PHIP: variants seen among roughly 807,000 people sequenced by gnomAD.
PHIP encodes PH-interacting protein.
A neutral mutation model predicts 236.8 loss-of-function variants in PHIP; 54 were observed. That is an observed-to-expected ratio of 0.23 (90% CI 0.18 to 0.29). The LOEUF is 0.29. Among genes scored for constraint, PHIP ranks in the 10% least tolerant of loss-of-function variants. The probability of loss-of-function intolerance (pLI) is 1.00; values close to 1 mark genes in which losing one functional copy is unlikely to be tolerated. For synonymous variants in PHIP, 756 were observed against 718.9 expected, an observed-to-expected ratio of 1.05 and a Z score of -0.83; for missense variants, 1,370 against 2,190.8, an observed-to-expected ratio of 0.63 and a Z score of 7.48.
chr6:78,973,402 G>A (rs1333177574), intron 24 of PHIP, among the ~76,000 whole-genome samples: 5 of 149,462 alleles, frequency 3.3e-5, no homozygotes, highest in East Asian at 3.9e-4. Context: ...AGGAAAAACC[G>A]GTACCAGCCG....
chr6:78,989,747 A>G (rs970375814), intron 20 of PHIP, among the ~76,000 whole-genome samples: 1 of 152,210 alleles, frequency 6.6e-6, no homozygotes. Context: ...AATAGATATT[A>G]ACATATTCCA....
intron 4 of PHIP, among the ~76,000 whole-genome samples, chr6:79,063,742 A>G (rs1426756451): frequency 6.6e-6 from 1 of 152,186 alleles, no homozygotes; most frequent in African/African-American, 2.4e-5. Context: ...AACACTTTTT[A>G]AAGAAAGCCT....
rs537127799 is a variant in PHIP at position 78,967,366 on chromosome 6, GCTGTATCTTATGACCCT to G, written c.3206-1327_3206-1311del. On this transcript the variant is annotated intron_variant, in intron 27 of 39. Coordinates refer to ENST00000275034, the MANE Select transcript of PHIP (RefSeq NM_017934.7). ...CACACTAAACATAAAGTTTCAAAGA[GCTGTATCTTATGACCCT>G]ACACAGACTGATTATTATGCTAAAG... 2.6e-5 allele frequency among the ~76,000 whole-genome samples: 4 copies of G among 152,246 alleles called. No homozygotes were observed. The South Asian group carries it at 8.3e-4, about 32-fold the overall frequency.
chr6:79,027,667 T>C (rs761999024), intron 7 of PHIP, among the ~76,000 whole-genome samples: 3 of 152,158 alleles, frequency 2.0e-5, no homozygotes, highest in Admixed American at 2.0e-4. Context: ...TAAACACTTA[T>C]ATGTCCTAAG....
At chr6:79,010,392 C>CG (rs1770517451) in intron 15 of PHIP, among the ~76,000 whole-genome samples, 1 of 146,864 alleles carries the variant, frequency 6.8e-6, no homozygotes, top group Admixed American at 6.8e-5. Flanking sequence ...GACACTGGAA[C>CG]TTTTTTTTTT....
intron 15 of PHIP, among the ~76,000 whole-genome samples, chr6:79,013,658 T>C (rs1770698923): frequency 6.6e-6 from 1 of 151,714 alleles, no homozygotes; most frequent in African/African-American, 2.4e-5. Flanking sequence ...AGGTAGAATA[T>C]TAGTGTGACC....
chr6:78,969,965 C>T, intron 26 of PHIP, 48 bp from the exon 27 acceptor site: 1 of 1,575,276 alleles, frequency 6.3e-7, no homozygotes, highest in Non-Finnish European at 8.7e-7. Flanking sequence ...CCTAAAAATA[C>T]CTAAAAGATG....
At chr6:78,980,174 T>C (rs1562148356) in intron 23 of PHIP, among the ~76,000 whole-genome samples, 1 of 151,996 alleles carries the variant, frequency 6.6e-6, no homozygotes. Context: ...TTTTCATAAA[T>C]TTTTATCGGA....
At chr6:78,992,791 C>A (rs1769350606) in intron 19 of PHIP, among the ~76,000 whole-genome samples, 1 of 152,164 alleles carries the variant, frequency 6.6e-6, no homozygotes, top group African/African-American at 2.4e-5. Flanking sequence ...TCTCCTCAGG[C>A]CTCACTATTC....
chr6:79,012,136 T>A (rs1167225808), intron 15 of PHIP, among the ~76,000 whole-genome samples: 1 of 151,796 alleles, frequency 6.6e-6, no homozygotes. Flanking sequence ...AAAATGCTGA[T>A]GAATACAAAA....
At chr6:79,036,736 A>G (rs1370782439) in intron 7 of PHIP, among the ~76,000 whole-genome samples, 1 of 151,958 alleles carries the variant, frequency 6.6e-6, no homozygotes, top group Non-Finnish European at 1.5e-5. Context: ...CCTGGCTAAC[A>G]TGGTGAAACC....
At chr6:78,982,304 C>A (rs1562150201) in intron 23 of PHIP, among the ~76,000 whole-genome samples, 1 of 152,040 alleles carries the variant, frequency 6.6e-6, no homozygotes, top group Admixed American at 6.6e-5. Context: ...TGCTTTCTCT[C>A]AAATTGTCCA....
intron 4 of PHIP, among the ~76,000 whole-genome samples, chr6:79,070,545 C>G (rs771975120): frequency 6.6e-6 from 1 of 152,158 alleles, no homozygotes; most frequent in East Asian, 1.9e-4. Context: ...TATACTATAA[C>G]CTTTCCCAAG....
Position 78,955,493 on chromosome 6 carries a change from T to A in PHIP, c.3852+120A>T, listed in dbSNP as rs7753358. 0.46 allele frequency: 229,548 copies of A among 502,222 alleles called. 49,592 individuals are homozygous for A. The highest frequency in any genetic ancestry group is 0.62 in the East Asian group (18,118 of 29,248). The allele number at this position is 502,222 out of a possible 1,614,324, so 31.1% of individuals were successfully genotyped here. On this transcript the variant is annotated intron_variant, in intron 33 of 39. Coordinates refer to ENST00000275034, the MANE Select transcript of PHIP (RefSeq NM_017934.7). ...TCTACTGCCAGTTGTTTTTTTTTTTTAAATTAACTACACTAGACAAAAAAT... is the reference window on the plus strand; with the variant it reads ...TCTACTGCCAGTTGTTTTTTTTTTTAAAATTAACTACACTAGACAAAAAAT...
intron 19 of PHIP, among the ~76,000 whole-genome samples, chr6:78,991,261 A>G (rs1464012739): frequency 6.6e-6 from 1 of 151,988 alleles, no homozygotes; most frequent in Non-Finnish European, 1.5e-5. Flanking sequence ...AGATTCTGGG[A>G]ATGTGGTGAT....
chr6:79,006,068 G>A (rs1196090517), intron 15 of PHIP, among the ~76,000 whole-genome samples: 4 of 151,944 alleles, frequency 2.6e-5, no homozygotes, highest in Non-Finnish European at 5.9e-5. Context: ...ACTCCAAAGT[G>A]ACTTTTATAT....
chr6:79,022,904 C>T (rs910014027), intron 9 of PHIP, among the ~76,000 whole-genome samples: 10 of 152,146 alleles, frequency 6.6e-5, no homozygotes, highest in Non-Finnish European at 1.5e-4. Context: ...GCAGAATATA[C>T]AAAAGCATTA....
intron 21 of PHIP, among the ~76,000 whole-genome samples, chr6:78,987,384 T>C (rs1162793471): frequency 6.6e-6 from 1 of 152,134 alleles, no homozygotes; most frequent in African/African-American, 2.4e-5. Context: ...GAATATATCA[T>C]TTTGACCTGG....
At chr6:79,000,537 A>C (rs946344132) in intron 17 of PHIP, among the ~76,000 whole-genome samples, 1 of 152,090 alleles carries the variant, frequency 6.6e-6, no homozygotes. Context: ...AATAATAATT[A>C]ATTAGCACTG....
Sources: allele counts gnomAD v4.1 joint callset (sites outside exome capture counted in the v4.1 genomes callset), GRCh38; gene constraint gnomAD v4.1.1; transcripts MANE v1.5; gene names NCBI Gene and HGNC (gene_info 2026-07-23, HGNC 2026-07-21).